The following NEIL3 variants were observed in gnomAD, a reference collection of about 807,000 sequenced individuals.
NEIL3 encodes endonuclease 8-like 3.
A neutral mutation model predicts 57.5 loss-of-function variants in NEIL3; 48 were observed. The ratio of observed to expected loss-of-function variants is 0.83; its 90% confidence interval spans 0.66 to 1.06. NEIL3 has a LOEUF of 1.06. Among genes scored for constraint, NEIL3 ranks in the 50% least tolerant of loss-of-function variants. The pLI is 0.00. For missense variants in NEIL3, 717 were observed against 739.1 expected (o/e 0.97, Z 0.35); for synonymous variants, 261 against 253.2 (o/e 1.03, Z -0.29).
chr4:177,324,207 G>C (rs1254581620), intron 2 of NEIL3, among the ~76,000 whole-genome samples: 1 of 152,168 alleles, frequency 6.6e-6, no homozygotes, highest in African/African-American at 2.4e-5. Context: ...CAATAGAAAT[G>C]TAGTCTTCAT....
chr4:177,341,761 T>A, intron 6 of NEIL3, 119 bp downstream of exon 6: 1 of 850,430 alleles, frequency 1.2e-6, no homozygotes, highest in Non-Finnish European at 1.7e-6. Flanking sequence ...GACTCAAAAG[T>A]ATTTTAGTCC....
chr4:177,311,293 A>G (rs1199236105), intron 1 of NEIL3, among the ~76,000 whole-genome samples: 1 of 152,170 alleles, frequency 6.6e-6, no homozygotes, highest in Admixed American at 6.5e-5. Flanking sequence ...CTAAAGAAAT[A>G]TAAATTAATA....
intron 4 of NEIL3, among the ~76,000 whole-genome samples, chr4:177,338,966 AT>A (rs1735031066): frequency 6.6e-6 from 1 of 152,210 alleles, no homozygotes; most frequent in South Asian, 2.1e-4. Context: ...TGAATTTACA[AT>A]TAAAATGTAT....
chr4:177,339,894 ATGT>A, intron 5 of NEIL3, 37 bp downstream of exon 5: 1 of 1,391,700 alleles, frequency 7.2e-7, no homozygotes, highest in Non-Finnish European at 1.0e-6. Flanking sequence ...AAAATGTAAA[ATGT>A]CAGTGGTTTC....
At chr4:177,316,960 C>A (rs1282548282) in intron 1 of NEIL3, among the ~76,000 whole-genome samples, 1 of 152,146 alleles carries the variant, frequency 6.6e-6, no homozygotes, top group Non-Finnish European at 1.5e-5. Flanking sequence ...ACTAACATTG[C>A]ATTTTAATAC....
intron 6 of NEIL3, among the ~76,000 whole-genome samples, chr4:177,346,576 G>T (rs1290486459): frequency 6.6e-6 from 1 of 152,086 alleles, no homozygotes; most frequent in Non-Finnish European, 1.5e-5. Context: ...TCAAAGTTAA[G>T]GCAACAGCAA....
intron 4 of NEIL3, among the ~76,000 whole-genome samples, chr4:177,339,052 G>A (rs1478157343): frequency 6.6e-5 from 10 of 152,056 alleles, no homozygotes; most frequent in Non-Finnish European, 1.0e-4. Flanking sequence ...AAATAGATCC[G>A]TAAGAAATAG....
At chr4:177,310,367 A>G (rs17064590) in intron 1 of NEIL3, among the ~76,000 whole-genome samples, 2,689 of 152,262 alleles carry the variant, frequency 0.018, 82 homozygotes, top group African/African-American at 0.058. Flanking sequence ...AAGGTGTTTT[A>G]TCCGAGTCAC....
intron 2 of NEIL3, among the ~76,000 whole-genome samples, chr4:177,329,843 TATC>T (rs1309284679): frequency 5.3e-5 from 8 of 152,158 alleles, no homozygotes; most frequent in African/African-American, 1.4e-4. Context: ...AAAGTATTGA[TATC>T]ATGGAAGAAT....
At chr4:177,349,937 T>G (rs1320463226) in intron 6 of NEIL3, among the ~76,000 whole-genome samples, 1 of 152,216 alleles carries the variant, frequency 6.6e-6, no homozygotes, top group African/African-American at 2.4e-5. Flanking sequence ...CATGCTGCCT[T>G]TCAAAGTAAG....
chr4:177,317,811 G>A (rs1734603866), intron 1 of NEIL3, among the ~76,000 whole-genome samples: 1 of 151,570 alleles, frequency 6.6e-6, no homozygotes, highest in Non-Finnish European at 1.5e-5. Context: ...TGGTCAGTCT[G>A]GTCTCAAACT....
intron 7 of NEIL3, among the ~76,000 whole-genome samples, chr4:177,352,008 G>GTA (rs1735362930): frequency 1.3e-5 from 2 of 152,128 alleles, no homozygotes; most frequent in African/African-American, 4.8e-5. Flanking sequence ...ATTAAAATCT[G>GTA]TATCCAGACA....
At chr4:177,319,758 C>T (rs1734641907) in intron 1 of NEIL3, among the ~76,000 whole-genome samples, 1 of 152,020 alleles carries the variant, frequency 6.6e-6, no homozygotes, top group African/African-American at 2.4e-5. Flanking sequence ...GCAGGGAACG[C>T]TACTATATAT....
chr4:177,349,156 A>G (rs1345638863), intron 6 of NEIL3, among the ~76,000 whole-genome samples: 1 of 150,382 alleles, frequency 6.6e-6, no homozygotes, highest in Non-Finnish European at 1.5e-5. Flanking sequence ...TGCTGGGATT[A>G]CAGGCGTGAG....
chr4:177,351,560 A>G lies in NEIL3; in HGVS notation c.1039+11A>G. ...CCTCAAGGCCTATTGGTAAGACTGAATTTTGATTTTGAGTTTGTTACATTT... is the reference window on the plus strand; with the variant it reads ...CCTCAAGGCCTATTGGTAAGACTGAGTTTTGATTTTGAGTTTGTTACATTT... On this transcript the variant is annotated intron_variant, in intron 7 of 9. Transcript: ENST00000264596. 6.2e-7 allele frequency: 1 copy of G among 1,600,040 alleles called. No individual in the cohort carries two copies. Among genetic ancestry groups the G allele is most frequent in the Non-Finnish European group, 8.5e-7 (1 of 1,171,680 alleles).
chr4:177,336,040 T>A, intron 3 of NEIL3, 68 bp from the exon 4 acceptor site: 2 of 1,366,408 alleles, frequency 1.5e-6, no homozygotes, highest in South Asian at 1.3e-5. Flanking sequence ...GCAAAGCTCA[T>A]TTTAAAAGAC....
chr4:177,330,114 G>A (rs1020860297), intron 2 of NEIL3, among the ~76,000 whole-genome samples: 20 of 152,126 alleles, frequency 1.3e-4, no homozygotes, highest in Non-Finnish European at 2.6e-4. Flanking sequence ...GTTTCACCAC[G>A]TTGCCCAGGC....
chr4:177,333,876 T>A (rs1294828127), intron 2 of NEIL3, among the ~76,000 whole-genome samples: 2 of 152,108 alleles, frequency 1.3e-5, no homozygotes, highest in African/African-American at 4.8e-5. Context: ...AGGCACAGGA[T>A]CTGAGAAAAC....
intron 2 of NEIL3, among the ~76,000 whole-genome samples, chr4:177,325,044 C>T (rs1183422822): frequency 6.6e-6 from 1 of 152,068 alleles, no homozygotes; most frequent in African/African-American, 2.4e-5. Context: ...TTACATGACT[C>T]TGGCTTTTGA....
Sources: allele counts gnomAD v4.1 joint callset (sites outside exome capture counted in the v4.1 genomes callset), GRCh38; gene constraint gnomAD v4.1.1; transcripts MANE v1.5; gene names NCBI Gene and HGNC (gene_info 2026-07-23, HGNC 2026-07-21).